The following TMTC2 variants were observed in gnomAD, a reference collection of about 807,000 sequenced individuals.
TMTC2 encodes the protein transmembrane O-mannosyltransferase targeting cadherins 2, also known as protein O-mannosyl-transferase TMTC2.
TMTC2 carries 43 observed loss-of-function variants against 82.4 expected under a neutral mutation model. The ratio of observed to expected loss-of-function variants is 0.52; its 90% CI spans 0.41 to 0.67. The LOEUF is 0.67. TMTC2 is among the 30% of genes least tolerant of loss of function. TMTC2 has a pLI of 0.00. For synonymous variants in TMTC2, 408 were observed against 381.9 expected, an observed-to-expected ratio of 1.07 and a Z score of -0.80; for missense variants, 919 against 1,012.4, an observed-to-expected ratio of 0.91 and a Z score of 1.25.
At chr12:82,986,844 A>G (rs116558516) in intron 8 of TMTC2, among the ~76,000 whole-genome samples, 3,018 of 152,308 alleles carry the variant, frequency 0.02, 99 homozygotes, top group African/African-American at 0.067. Flanking sequence ...ATTTTACACA[A>G]TAGTGAATAG....
chr12:82,974,786 A>G (rs1878597360), intron 7 of TMTC2, among the ~76,000 whole-genome samples: 2 of 152,212 alleles, frequency 1.3e-5, no homozygotes, highest in African/African-American at 4.8e-5. Context: ...ATGTGATTGG[A>G]CAAAAGGGTA....
chr12:82,831,478 C>T (rs1284707704), intron 1 of TMTC2, among the ~76,000 whole-genome samples: 1 of 152,150 alleles, frequency 6.6e-6, no homozygotes, highest in Non-Finnish European at 1.5e-5. Flanking sequence ...TAACATACGG[C>T]CTGGCAGATC....
intron 1 of TMTC2, among the ~76,000 whole-genome samples, chr12:82,784,420 A>G (rs144133480): frequency 2.0e-5 from 3 of 152,206 alleles, no homozygotes; most frequent in African/African-American, 7.2e-5. Flanking sequence ...TATCTCCTAC[A>G]TGGAGTTGGG....
chr12:82,977,427 G>A (rs1200015603), intron 7 of TMTC2, among the ~76,000 whole-genome samples: 1 of 151,738 alleles, frequency 6.6e-6, no homozygotes, highest in African/African-American at 2.4e-5. Flanking sequence ...GGAGACCCTG[G>A]AAATAATAAC....
At chr12:82,992,174 G>A (rs942877097) in intron 8 of TMTC2, among the ~76,000 whole-genome samples, 1 of 152,152 alleles carries the variant, frequency 6.6e-6, no homozygotes, top group African/African-American at 2.4e-5. Context: ...CCATACCCCA[G>A]GCTGAAATGG....
intron 1 of TMTC2, among the ~76,000 whole-genome samples, chr12:82,744,143 C>T (rs760793432): frequency 1.2e-4 from 18 of 152,086 alleles, no homozygotes; most frequent in East Asian, 3.9e-4. Flanking sequence ...AATTAGCAGC[C>T]GGGCACGGTG....
chr12:82,913,793 A>G (rs776421333), intron 3 of TMTC2, among the ~76,000 whole-genome samples: 9 of 152,178 alleles, frequency 5.9e-5, no homozygotes, highest in Non-Finnish European at 1.0e-4. Context: ...CTCATACTCA[A>G]GTACCGTTGT....
At chr12:82,912,028 C>A (rs1047212025) in intron 3 of TMTC2, among the ~76,000 whole-genome samples, 8 of 152,120 alleles carry the variant, frequency 5.3e-5, no homozygotes, top group Admixed American at 3.3e-4. Flanking sequence ...ATTCTAATTC[C>A]CAATAATACC....
chr12:83,102,073 A>T (rs1164065161), intron 11 of TMTC2, among the ~76,000 whole-genome samples: 3 of 152,226 alleles, frequency 2.0e-5, no homozygotes, highest in Non-Finnish European at 4.4e-5. Context: ...GATTGGCATT[A>T]TCTCCTTGGA....
intron 4 of TMTC2, among the ~76,000 whole-genome samples, chr12:82,960,468 T>A (rs1181853660): frequency 6.6e-6 from 1 of 152,078 alleles, no homozygotes; most frequent in East Asian, 1.9e-4. Context: ...AATTATGTAT[T>A]TTGCTGTAAC....
chr12:82,765,065 A>C (rs1367084442), intron 1 of TMTC2, among the ~76,000 whole-genome samples: 1 of 152,134 alleles, frequency 6.6e-6, no homozygotes, highest in African/African-American at 2.4e-5. Flanking sequence ...CTTGCAGCTC[A>C]CTAGGCATTT....
chr12:82,692,115 G>GT (rs1317063813), intron 1 of TMTC2, among the ~76,000 whole-genome samples: 1 of 152,174 alleles, frequency 6.6e-6, no homozygotes, highest in Non-Finnish European at 1.5e-5. Flanking sequence ...GTCACATGAT[G>GT]TTTATCATAG....
chr12:82,767,133 T>C (rs1235149931), intron 1 of TMTC2, among the ~76,000 whole-genome samples: 2 of 152,222 alleles, frequency 1.3e-5, no homozygotes, highest in Non-Finnish European at 2.9e-5. Flanking sequence ...AAATCATGAG[T>C]GAACAACTTG....
chr12:83,125,989 A>C (rs1885087654), intron 11 of TMTC2, among the ~76,000 whole-genome samples: 1 of 152,154 alleles, frequency 6.6e-6, no homozygotes, highest in Non-Finnish European at 1.5e-5. Context: ...ACATATGCAC[A>C]AGAATTGATG....
chr12:83,126,946 A>G (rs1885115501), intron 11 of TMTC2, among the ~76,000 whole-genome samples: 1 of 152,150 alleles, frequency 6.6e-6, no homozygotes, highest in Non-Finnish European at 1.5e-5. Flanking sequence ...GTTTCTTAAA[A>G]TGTTTATACT....
intron 1 of TMTC2, among the ~76,000 whole-genome samples, chr12:82,749,543 G>A (rs999208824): frequency 6.6e-6 from 1 of 151,860 alleles, no homozygotes; most frequent in Non-Finnish European, 1.5e-5. Context: ...GTGAGACACA[G>A]CCTCAGCACA....
At chr12:82,872,586 A>G (rs1278516936) in intron 2 of TMTC2, among the ~76,000 whole-genome samples, 3 of 152,182 alleles carry the variant, frequency 2.0e-5, no homozygotes, top group Admixed American at 6.6e-5. Flanking sequence ...ATGAGTCTGC[A>G]TTACAGAGGC....
At chr12:82,934,144 AAG>A (rs1876190300) in intron 4 of TMTC2, among the ~76,000 whole-genome samples, 1 of 152,196 alleles carries the variant, frequency 6.6e-6, no homozygotes, top group Admixed American at 6.5e-5. Context: ...TAATGTGTCT[AAG>A]GTCACACAGA....
At chr12:83,083,483 C>T (rs979279525) in intron 11 of TMTC2, among the ~76,000 whole-genome samples, 19 of 152,128 alleles carry the variant, frequency 1.2e-4, no homozygotes, top group African/African-American at 3.9e-4. Context: ...TTCCCATCTA[C>T]GGTCTGTGTA....
Sources: allele counts gnomAD v4.1 joint callset (sites outside exome capture counted in the v4.1 genomes callset), GRCh38; gene constraint gnomAD v4.1.1; transcripts MANE v1.5; gene names NCBI Gene and HGNC (gene_info 2026-07-23, HGNC 2026-07-21).